RTN3: variants seen among roughly 807,000 people sequenced by gnomAD.
RTN3 encodes reticulon 3.
RTN3 carries 49 observed loss-of-function variants against 77.8 expected under a neutral mutation model. That is an observed-to-expected ratio of 0.63 (90% CI 0.50 to 0.80). RTN3 has a LOEUF of 0.80. RTN3 is among the 30% of genes least tolerant of loss of function. RTN3 has a pLI of 0.00. For missense variants in RTN3, 1,236 were observed against 1,211.9 expected (o/e 1.02, Z -0.29); for synonymous variants, 464 against 446.9 (o/e 1.04, Z -0.48).
intron 3 of RTN3, among the ~76,000 whole-genome samples, chr11:63,733,000 G>A (rs1169928703): frequency 1.3e-5 from 2 of 152,136 alleles, no homozygotes; most frequent in African/African-American, 4.8e-5. Flanking sequence ...AGGATATACA[G>A]GATACAAGGT....
In RTN3 at chr11:63,719,880, T is replaced by A. The variant is rs201074433; in HGVS notation, c.1378T>A (p.Ser460Thr). ...TGGATCTCCACCTGAGAAATGTGAC[T>A]CTTTGGGTTCTGGAGTGGCCACAGT... ...LPGSPPEKCD[S>T]LGSGVATVKV... is the part of the protein sequence containing the mutation. Residue 460 changes from serine (S) to threonine (T), a missense_variant, in exon 3 of 9, where the codon TCT becomes ACT. Physicochemically the swap from Ser to Thr is moderately conservative, Grantham distance 58 (BLOSUM62 1). Transcript: ENST00000377819. 4 of 1,614,014 alleles carry A rather than the reference T, an allele frequency of 2.5e-6. No homozygotes were observed. Among genetic ancestry groups the A allele is most frequent in the Non-Finnish European group, 3.4e-6 (4 of 1,180,006 alleles).
At chr11:63,723,765 TC>T (rs1165844817) in intron 3 of RTN3, among the ~76,000 whole-genome samples, 3 of 152,326 alleles carry the variant, frequency 2.0e-5, no homozygotes, top group East Asian at 3.9e-4. Flanking sequence ...TGCATATTCT[TC>T]CTTTCTAAGG....
chr11:63,744,049 C>T (rs1446515044), intron 3 of RTN3, among the ~76,000 whole-genome samples: 4 of 151,868 alleles, frequency 2.6e-5, no homozygotes, highest in Admixed American at 6.6e-5. Context: ...CGAGACCAGC[C>T]TGGCCAATAT....
At chr11:63,702,298 T>TTTTTTTTG (rs911527531) in intron 1 of RTN3, among the ~76,000 whole-genome samples, 1 of 151,316 alleles carries the variant, frequency 6.6e-6, no homozygotes, top group African/African-American at 2.4e-5. Context: ...TTGGTTTTGG[T>TTTTTTTTG]TTTTTTTGTT....
chr11:63,751,166 C>T (rs990619840), intron 4 of RTN3, among the ~76,000 whole-genome samples: 3 of 152,182 alleles, frequency 2.0e-5, no homozygotes, highest in Non-Finnish European at 2.9e-5. Context: ...CCACCGTGCC[C>T]GGCAACTCTA....
At position 63,718,344 on chromosome 11, in the gene RTN3, G is replaced by A. The variant is rs502717; in HGVS notation, c.200-358G>A. 6.6e-3 allele frequency among the ~76,000 whole-genome samples: 1,007 copies of A among 152,162 alleles called. 11 individuals are homozygous for A. Among genetic ancestry groups the A allele is most frequent in the African/African-American group, 0.023 (952 of 41,520 alleles). On this transcript the variant is annotated intron_variant, in intron 2 of 8. Transcript: ENST00000377819. ...GTTTTGTATAAATTATTTTGCTTTT[G>A]TTGATTAGCTCTATCAAAGAATAAA...
At chr11:63,710,066 G>A (rs1342193647) in intron 2 of RTN3, among the ~76,000 whole-genome samples, 1 of 152,180 alleles carries the variant, frequency 6.6e-6, no homozygotes, top group Non-Finnish European at 1.5e-5. Flanking sequence ...TAGTAATTAA[G>A]TTATACGTAC....
At chr11:63,744,441 C>T (rs1259841413) in intron 3 of RTN3, among the ~76,000 whole-genome samples, 2 of 151,968 alleles carry the variant, frequency 1.3e-5, no homozygotes, top group East Asian at 3.9e-4. Flanking sequence ...TACTACATAC[C>T]TATGCAATAT....
At chr11:63,697,951 C>A (rs1242084323) in intron 1 of RTN3, among the ~76,000 whole-genome samples, 1 of 152,112 alleles carries the variant, frequency 6.6e-6, no homozygotes, top group Non-Finnish European at 1.5e-5. Context: ...GTTGCCTCTC[C>A]CTATAGCTGC....
intron 2 of RTN3, among the ~76,000 whole-genome samples, chr11:63,712,886 G>A (rs963772672): frequency 3.3e-5 from 5 of 152,076 alleles, no homozygotes; most frequent in East Asian, 1.9e-4. Flanking sequence ...ACCTGAGGTT[G>A]GGAGTTCCAG....
Position 63,750,048 on chromosome 11 carries a change from C to G in RTN3, c.2588C>G (p.Thr863Arg). 6.2e-7 allele frequency: 1 copy of G among 1,613,870 alleles called. No homozygotes were observed. Among genetic ancestry groups the G allele is most frequent in the Non-Finnish European group, 8.5e-7 (1 of 1,179,820 alleles). The stretch of plus-strand genomic sequence containing the variant: ...AAGACTGGGTTTGTCTTTGGCACCA[C>G]GCTGATCATGCTGCTTTCCCTGGCA... ...VKKTGFVFGTTLIMLLSLAAF... is the reference protein window; with the variant it reads ...VKKTGFVFGTRLIMLLSLAAF... Residue 863 changes from threonine to arginine, a missense_variant, in exon 4 of 9, where the codon ACG (threonine) becomes AGG (arginine). Physicochemically the swap from Thr to Arg is moderately conservative, Grantham distance 71 (BLOSUM62 -1). Coordinates refer to ENST00000377819, the MANE Select transcript of RTN3 (RefSeq NM_001265589.2).
chr11:63,691,516 C>CAA (rs1332022211), intron 1 of RTN3, among the ~76,000 whole-genome samples: 2 of 152,154 alleles, frequency 1.3e-5, no homozygotes, highest in Non-Finnish European at 2.9e-5. Flanking sequence ...CTTAGCCTCT[C>CAA]AAAGTGCTGG....
intron 3 of RTN3, among the ~76,000 whole-genome samples, chr11:63,733,687 A>G (rs1019342445): frequency 2.6e-5 from 4 of 151,544 alleles, no homozygotes; most frequent in Admixed American, 2.0e-4. Context: ...CTGGACAACA[A>G]AGTGAGACCC....
chr11:63,721,381 T>C (rs1195597397), intron 3 of RTN3, among the ~76,000 whole-genome samples: 1 of 152,108 alleles, frequency 6.6e-6, no homozygotes, highest in Non-Finnish European at 1.5e-5. Context: ...GAGACCATCC[T>C]GGCTAACACG....
chr11:63,734,764 CACACACACACACACACA>C (rs1565333347), intron 3 of RTN3, among the ~76,000 whole-genome samples: 16 of 150,786 alleles, frequency 1.1e-4, no homozygotes, highest in South Asian at 2.1e-4. Context: ...CACACACACA[CACACACACACACACACA>C]CCATACTGGA....
chr11:63,688,630 T>G (rs7129721), intron 1 of RTN3, among the ~76,000 whole-genome samples: 1,707 of 152,252 alleles, frequency 0.011, 33 homozygotes, highest in African/African-American at 0.037. Context: ...AGGTGCACCC[T>G]TACCCTAAAT....
At chr11:63,750,730 T>G (rs973056041) in intron 4 of RTN3, among the ~76,000 whole-genome samples, 1 of 146,670 alleles carries the variant, frequency 6.8e-6, no homozygotes, top group Non-Finnish European at 1.5e-5. Flanking sequence ...GTTTTTTTTG[T>G]TTTTTGTTTG....
chr11:63,747,025 G>A (rs1303248093), intron 3 of RTN3: 2 of 455,918 alleles, frequency 4.4e-6, no homozygotes, highest in East Asian at 6.9e-5. Context: ...ATTAAAAGAA[G>A]TAAGTTCCTC....
At chr11:63,746,252 ATG>A (rs2013787345) in intron 3 of RTN3, among the ~76,000 whole-genome samples, 1 of 152,162 alleles carries the variant, frequency 6.6e-6, no homozygotes, top group Non-Finnish European at 1.5e-5. Context: ...AATATTTTGA[ATG>A]TATAGAAGAA....
Sources: gnomAD v4.1 joint callset for allele counts (sites outside exome capture counted in the v4.1 genomes callset) on GRCh38, gnomAD v4.1.1 for gene constraint, MANE v1.5 for transcripts, NCBI Gene and HGNC (gene_info 2026-07-23, HGNC 2026-07-21) for gene names.